The following ATXN1 variants were observed in gnomAD, a reference collection of about 807,000 sequenced individuals.
The protein encoded by ATXN1 is ataxin 1, also known as ataxin-1.
In ATXN1, 8 loss-of-function variants were observed where a neutral mutation model predicts 56.4. The observed-to-expected ratio is 0.14, with a 90% CI of 0.08 to 0.26. The LOEUF (loss-of-function observed/expected upper bound fraction) is 0.26, where lower values mean the gene tolerates loss of function less well. Among genes scored for constraint, ATXN1 ranks in the 10% least tolerant of loss-of-function variants. The pLI, the probability that ATXN1 is intolerant of heterozygous loss-of-function variation, is 1.00. For missense variants in ATXN1, 987 were observed against 1,106.5 expected, an observed-to-expected ratio of 0.89 and a Z score of 1.53; for synonymous variants, 514 against 494.6, an observed-to-expected ratio of 1.04 and a Z score of -0.52.
At chr6:16,383,332 T>C (rs1241195214) in intron 6 of ATXN1, among the ~76,000 whole-genome samples, 1 of 152,240 alleles carries the variant, frequency 6.6e-6, no homozygotes, top group Non-Finnish European at 1.5e-5. Flanking sequence ...CATACCAGCA[T>C]CATTCCACTT....
intron 2 of ATXN1, among the ~76,000 whole-genome samples, chr6:16,683,739 G>C (rs1054557223): frequency 6.6e-6 from 1 of 152,160 alleles, no homozygotes; most frequent in Non-Finnish European, 1.5e-5. Context: ...AGTGCCGGAG[G>C]GTTAACCAGA....
intron 2 of ATXN1, chr6:16,738,776 A>C (rs1189928202): frequency 6.6e-6 from 1 of 152,240 alleles, no homozygotes; most frequent in African/African-American, 2.4e-5. Context: ...TTGTCCATAA[A>C]ACAACCCTAT....
chr6:16,429,142 C>G (rs991548098), intron 6 of ATXN1, among the ~76,000 whole-genome samples: 3 of 152,032 alleles, frequency 2.0e-5, no homozygotes, highest in Non-Finnish European at 4.4e-5. Context: ...AGAGAGGACA[C>G]TGAAGAGAGG....
intron 2 of ATXN1, among the ~76,000 whole-genome samples, chr6:16,702,306 C>T (rs1759303871): frequency 6.6e-6 from 1 of 152,224 alleles, no homozygotes; most frequent in Admixed American, 6.5e-5. Context: ...AACTGAACCC[C>T]TTCCTTACAC....
intron 7 of ATXN1, among the ~76,000 whole-genome samples, chr6:16,321,538 C>T (rs929845895): frequency 2.6e-5 from 4 of 152,238 alleles, no homozygotes; most frequent in African/African-American, 7.2e-5. Flanking sequence ...GATGCATAGA[C>T]GCTTTGCTCG....
intron 6 of ATXN1, among the ~76,000 whole-genome samples, chr6:16,412,609 C>A (rs916087519): frequency 1.4e-4 from 22 of 152,282 alleles, no homozygotes; most frequent in African/African-American, 5.1e-4. Flanking sequence ...AGAAAATGTG[C>A]CTCAATGTCG....
chr6:16,575,508 A>C (rs1284418719), intron 4 of ATXN1, among the ~76,000 whole-genome samples: 1 of 152,162 alleles, frequency 6.6e-6, no homozygotes, highest in Non-Finnish European at 1.5e-5. Flanking sequence ...CTGTAGCTAG[A>C]TATTCTACCA....
chr6:16,739,983 C>A, intron 2 of ATXN1: 1 of 431,198 alleles, frequency 2.3e-6, no homozygotes, highest in South Asian at 1.6e-5. Context: ...GGCTGTATCT[C>A]CTTGACTCCT....
intron 6 of ATXN1, among the ~76,000 whole-genome samples, chr6:16,394,439 T>C (rs1758414026): frequency 6.6e-6 from 1 of 152,222 alleles, no homozygotes; most frequent in Non-Finnish European, 1.5e-5. Context: ...TGACATCTGA[T>C]AATTTCTTAT....
At chr6:16,493,937 G>A (rs138265863) in intron 5 of ATXN1, among the ~76,000 whole-genome samples, 3 of 152,296 alleles carry the variant, frequency 2.0e-5, no homozygotes, top group Non-Finnish European at 4.4e-5. Context: ...AGCTGCCAGG[G>A]CTGCTGGCAA....
intron 6 of ATXN1, among the ~76,000 whole-genome samples, chr6:16,437,387 C>A (rs1759417001): frequency 6.6e-6 from 1 of 152,194 alleles, no homozygotes; most frequent in South Asian, 2.1e-4. Context: ...AAAAGCTACA[C>A]ATGTCTACAT....
At chr6:16,626,802 T>C (rs1441280502) in intron 3 of ATXN1, among the ~76,000 whole-genome samples, 1 of 152,204 alleles carries the variant, frequency 6.6e-6, no homozygotes, top group East Asian at 1.9e-4. Flanking sequence ...TATTCCACTA[T>C]GACTGGTGTC....
rs199637781 is a variant in ATXN1, at chr6:16,308,326, A to T, written c.1918-1467T>A. Among the ~76,000 whole-genome samples, 471 of 62,216 alleles carry T rather than the reference A, an allele frequency of 7.6e-3. 4 individuals carry two copies. Among genetic ancestry groups the T allele is most frequent in the East Asian group, 0.033 (134 of 4,018 alleles). 40.8% of individuals were successfully genotyped at this position (62,216 alleles called of 152,430 possible). ...GGGCGACAGAGTGAAACTCCGTCAC[A>T]CACACACACACACACACACACACAC... On this transcript the variant is annotated intron_variant, in intron 7 of 7. Transcript: ENST00000436367.
chr6:16,605,090 G>C (rs994575492), intron 3 of ATXN1, among the ~76,000 whole-genome samples: 3 of 152,158 alleles, frequency 2.0e-5, no homozygotes, highest in African/African-American at 7.2e-5. Context: ...TGGTGTAAAA[G>C]TAATACAAAT....
chr6:16,680,958 T>TA (rs1329998373), intron 2 of ATXN1, among the ~76,000 whole-genome samples: 1 of 152,156 alleles, frequency 6.6e-6, no homozygotes, highest in East Asian at 1.9e-4. Context: ...GTGATTTCAT[T>TA]AAAAAAATTA....
chr6:16,440,459 C>T (rs915735309), intron 6 of ATXN1, among the ~76,000 whole-genome samples: 15 of 146,586 alleles, frequency 1.0e-4, no homozygotes, highest in African/African-American at 4.0e-4. Flanking sequence ...AAAAAAAAAC[C>T]ATTTTCTAGA....
In ATXN1 at chr6:16,607,073, A is replaced by C. The variant is rs575444768; in HGVS notation, c.-488-21166T>G. Among the ~76,000 whole-genome samples, 41 of 89,386 alleles carry C rather than the reference A, an allele frequency of 4.6e-4. No homozygotes were observed. In the South Asian group the frequency reaches 0.016, roughly 35 times the overall value. 58.6% of individuals were successfully genotyped at this position (89,386 alleles called of 152,430 possible). The stretch of plus-strand genomic sequence containing the variant: ...AGCTAATGTTTTGTATTTTTAGTAG[A>C]GATGGGGTTTCACCAGTTTAAAACT... On this transcript the variant is annotated intron_variant, in intron 3 of 7. Transcript: ENST00000436367.
At chr6:16,492,015 C>T (rs941214178) in intron 5 of ATXN1, among the ~76,000 whole-genome samples, 1 of 152,076 alleles carries the variant, frequency 6.6e-6, no homozygotes, top group African/African-American at 2.4e-5. Flanking sequence ...ACCATGTGAG[C>T]TTGAAAAAGG....
chr6:16,399,836 TG>T (rs1328687967), intron 6 of ATXN1, among the ~76,000 whole-genome samples: 1 of 152,204 alleles, frequency 6.6e-6, no homozygotes, highest in Non-Finnish European at 1.5e-5. Context: ...TCAACAGTGC[TG>T]TTGAGATTCC....
Sources: gnomAD v4.1 joint callset for allele counts (sites outside exome capture counted in the v4.1 genomes callset) on GRCh38, gnomAD v4.1.1 for gene constraint, MANE v1.5 for transcripts, NCBI Gene and HGNC (gene_info 2026-07-23, HGNC 2026-07-21) for gene names.